Variants in FNBP4 observed in about 807,000 individuals in gnomAD.
FNBP4 encodes formin-binding protein 4.
FNBP4 carries 34 observed loss-of-function variants against 119.3 expected under a neutral mutation model. The ratio of observed to expected loss-of-function variants is 0.28; its 90% CI spans 0.22 to 0.38. FNBP4 has a LOEUF of 0.38. Ranked by LOEUF, FNBP4 falls within the 10% of genes least tolerant of loss-of-function variation. The probability of loss-of-function intolerance (pLI) is 1.00; values close to 1 mark genes in which losing one functional copy is unlikely to be tolerated. For missense variants in FNBP4, 1,112 were observed against 1,228.9 expected (o/e 0.90, Z 1.42); for synonymous variants, 462 against 430.6 (o/e 1.07, Z -0.90).
At chr11:47,720,941 G>T (rs2097555003) in intron 15 of FNBP4, among the ~76,000 whole-genome samples, 1 of 151,540 alleles carries the variant, frequency 6.6e-6, no homozygotes. Context: ...AGCCAAGATT[G>T]CACCATTGCA....
In FNBP4 at chr11:47,746,401, A is replaced by C. The variant is rs757901700; in HGVS notation, c.907-7T>G. ...GAATTCCTTCATTTACTTCCTATAAAGAACAAAATAATTTAGTCTCATTTA... is the reference window on the plus strand; with the variant it reads ...GAATTCCTTCATTTACTTCCTATAACGAACAAAATAATTTAGTCTCATTTA... On this transcript the variant is annotated splice_region_variant and splice_polypyrimidine_tract_variant and intron_variant, in intron 6 of 16. Transcript: ENST00000263773. 6.3e-7 allele frequency: 1 copy of C among 1,575,800 alleles called. No individual in the cohort carries two copies. Among genetic ancestry groups the C allele is most frequent in the Non-Finnish European group, 8.6e-7 (1 of 1,166,638 alleles).
intron 12 of FNBP4, chr11:47,730,277 C>G: frequency 1.0e-6 from 1 of 976,102 alleles, no homozygotes; most frequent in Non-Finnish European, 1.2e-6. Context: ...AAAAGAAAAT[C>G]TCTTCATGTA....
intron 8 of FNBP4, among the ~76,000 whole-genome samples, chr11:47,742,965 T>G (rs773901124): frequency 6.6e-6 from 1 of 151,322 alleles, no homozygotes; most frequent in Non-Finnish European, 1.5e-5. Flanking sequence ...GTATTGTTGT[T>G]TTTTTTTTGT....
chr11:47,766,977 G>A, intron 1 of FNBP4, 92 bp downstream of exon 1: 1 of 1,416,810 alleles, frequency 7.1e-7, no homozygotes, highest in African/African-American at 1.5e-5. Context: ...AGCCGACCTC[G>A]CCCGCCTCCC....
At chr11:47,761,320 C>G (rs1463389434) in intron 2 of FNBP4, among the ~76,000 whole-genome samples, 1 of 152,186 alleles carries the variant, frequency 6.6e-6, no homozygotes, top group Non-Finnish European at 1.5e-5. Flanking sequence ...AGAGGCTGGG[C>G]ATGGTCGCTC....
intron 2 of FNBP4, among the ~76,000 whole-genome samples, chr11:47,762,724 C>A (rs936178716): frequency 6.6e-6 from 1 of 151,198 alleles, no homozygotes; most frequent in Non-Finnish European, 1.5e-5. Context: ...ACCAGCCTGG[C>A]CAACATGGTG....
In FNBP4 at chr11:47,731,545, A is replaced by G. The variant is rs1366275733; in HGVS notation, c.1837T>C (p.Phe613Leu). ...CHWDRDHRRYFYVNEQSGESQ... is the reference protein window; with the variant it reads ...CHWDRDHRRYLYVNEQSGESQ... ...TCGCCCGACTGTTCGTTTACATAGA[A>G]ATACCGTCTATGATCCCTAAATTAC... Residue 613 changes from phenylalanine to leucine, a missense_variant, in exon 12 of 17, where the codon TTC becomes CTC. This residue lies in a region of FNBP4 where 826 missense variants were observed against 988.8 expected (regional missense o/e 0.84). Transcript: ENST00000263773. 2 of 1,610,034 alleles carry G rather than the reference A, an allele frequency of 1.2e-6. No individual in the cohort carries two copies. The highest frequency in any genetic ancestry group is 1.7e-6 in the Non-Finnish European group (2 of 1,178,980).
rs778295739 is a variant in FNBP4 at position 47,746,154 on chromosome 11, A to G, written c.1147T>C (p.Ser383Pro). The G allele has an allele frequency of 6.2e-6, 10 of 1,614,132 alleles. No homozygotes were observed. Among genetic ancestry groups the G allele is most frequent in the Non-Finnish European group, 8.5e-6 (10 of 1,179,982 alleles). ...ACAACACTGCAAAGATCCTCCTGAG[A>G]AGGGTCTTCTATATTGTCCAACATA... ...EIMLDNIEDP[S>P]QEDLCSVVQS... The change falls in exon 7 of 17, where the codon TCT (serine) becomes CCT (proline). Residue 383 changes from serine to proline, a missense_variant. Physicochemically the swap from Ser to Pro is moderately conservative, Grantham distance 74. Transcript: ENST00000263773.
intron 2 of FNBP4, among the ~76,000 whole-genome samples, chr11:47,756,719 G>A (rs567899384): frequency 4.8e-5 from 7 of 144,762 alleles, no homozygotes; most frequent in East Asian, 2.0e-4. Context: ...GACAGGCCCC[G>A]GTGTGTGATG....
intron 8 of FNBP4, among the ~76,000 whole-genome samples, chr11:47,737,935 G>A (rs886449442): frequency 6.6e-6 from 1 of 152,056 alleles, no homozygotes; most frequent in Non-Finnish European, 1.5e-5. Flanking sequence ...TAGTAGAGAT[G>A]GGGTTTCACC....
intron 7 of FNBP4, among the ~76,000 whole-genome samples, 184 bp downstream of exon 7, chr11:47,745,872 T>C (rs764418985): frequency 4.6e-5 from 7 of 152,148 alleles, no homozygotes; most frequent in South Asian, 2.1e-4. Flanking sequence ...CTACCAAAAG[T>C]ATCATCAAGG....
At chr11:47,751,332 T>G in intron 4 of FNBP4, 42 bp from the exon 5 acceptor site, 3 of 1,610,912 alleles carry the variant, frequency 1.9e-6, no homozygotes, top group Non-Finnish European at 2.5e-6. Flanking sequence ...CCCTCTACAA[T>G]TCTGGCTTAC....
chr11:47,747,969 G>A (rs1410770842), intron 6 of FNBP4, among the ~76,000 whole-genome samples: 1 of 151,616 alleles, frequency 6.6e-6, no homozygotes, highest in East Asian at 2.0e-4. Flanking sequence ...ATAGCTGGGC[G>A]TGGTGGCTCA....
rs1223888954 is a variant in FNBP4, at chr11:47,731,475, C to T, written c.1907G>A (p.Ser636Asn). Residue 636 changes from serine to asparagine, a missense_variant, in exon 12 of 17, where the codon AGC (serine) becomes AAC (asparagine). Around this residue, in one of 2 missense-constraint regions of FNBP4, gnomAD observed 826 missense variants for 988.8 expected, o/e 0.84. Coordinates refer to ENST00000263773, the MANE Select transcript of FNBP4 (RefSeq NM_015308.5). Reference sequence around the variant, plus strand: ...CTCATCTCTATTTTCTTGTGCTTGGCTTTCTTCTTCTTCCTCTTCACCATC... The same window carrying T: ...CTCATCTCTATTTTCTTGTGCTTGGTTTTCTTCTTCTTCCTCTTCACCATC... The part of the protein sequence containing the change: ...FPDGEEEEEE[S>N]QAQENRDETL... The T allele has an allele frequency of 6.2e-7, 1 of 1,613,962 alleles. No individual in the cohort carries two copies.
At chr11:47,734,186 T>C (rs899556380) in intron 9 of FNBP4, 57 bp from the exon 10 acceptor site, 2 of 951,414 alleles carry the variant, frequency 2.1e-6, no homozygotes, top group Non-Finnish European at 3.1e-6. Flanking sequence ...TTCTGTATTA[T>C]GTACAATCCT....
intron 2 of FNBP4, among the ~76,000 whole-genome samples, chr11:47,762,861 G>C (rs1046288295): frequency 7.3e-6 from 1 of 137,444 alleles, no homozygotes; most frequent in African/African-American, 2.6e-5. Context: ...AGTGAGCCAA[G>C]ATCACGCCAC....
At chr11:47,729,089 T>C (rs989796276) in intron 12 of FNBP4, 111 of 867,348 alleles carry the variant, frequency 1.3e-4, no homozygotes, top group Non-Finnish European at 1.5e-4. Context: ...TGACCTCAGG[T>C]GATCCACCCG....
At chr11:47,734,210 T>C (rs2135122010) in intron 9 of FNBP4, 81 bp from the exon 10 acceptor site, 3 of 728,810 alleles carry the variant, frequency 4.1e-6, no homozygotes, top group Non-Finnish European at 6.4e-6. Flanking sequence ...TTTATTCTTA[T>C]AGATATTAGA....
Position 47,765,315 on chromosome 11 carries a change from G to C in FNBP4, c.268C>G (p.Pro90Ala). The C allele has an allele frequency of 6.2e-7, 1 of 1,611,816 alleles. No individual in the cohort carries two copies. Among genetic ancestry groups the C allele is most frequent in the Non-Finnish European group, 8.5e-7 (1 of 1,179,476 alleles). The change falls in exon 2 of 17, where the codon CCA (proline) becomes GCA (alanine). Residue 90 changes from proline to alanine, a missense_variant. Around this residue, in one of 2 missense-constraint regions of FNBP4, gnomAD observed 286 missense variants for 240.1 expected, o/e 1.19. Coordinates refer to ENST00000263773, the MANE Select transcript of FNBP4 (RefSeq NM_015308.5). ...QEVPRVVQNP[P>A]KPVMTTRPTA... ...GGTCTAGTGGTCATGACTGGTTTTG[G>C]AGGATTCTGAACAACTCTAGGAACC...
Sources: allele counts gnomAD v4.1 joint callset (sites outside exome capture counted in the v4.1 genomes callset), GRCh38; gene constraint gnomAD v4.1.1; regional missense constraint gnomAD v4.1.1; transcripts MANE v1.5; gene names NCBI Gene and HGNC (gene_info 2026-07-23, HGNC 2026-07-21).